Variants in COL28A1 observed in about 807,000 individuals in gnomAD.
COL28A1 encodes the protein collagen alpha-1(XXVIII) chain.
A neutral mutation model predicts 150.2 loss-of-function variants in COL28A1; 161 were observed. The observed-to-expected ratio is 1.07, with a 90% CI of 0.94 to 1.22. The LOEUF (loss-of-function observed/expected upper bound fraction) is 1.22, where lower values mean the gene tolerates loss of function less well. Among genes scored for constraint, COL28A1 ranks in the 50% most tolerant of loss-of-function variants. The probability of loss-of-function intolerance (pLI) is 0.00; values close to 1 mark genes in which losing one functional copy is unlikely to be tolerated. For synonymous variants in COL28A1, 552 were observed against 469.7 expected (o/e 1.18, Z -2.26); for missense variants, 1,617 against 1,388.3 (o/e 1.16, Z -2.62).
intron 13 of COL28A1, among the ~76,000 whole-genome samples, chr7:7,487,020 T>A (rs540432606): frequency 6.6e-6 from 1 of 152,170 alleles, no homozygotes; most frequent in African/African-American, 2.4e-5. Context: ...CTTTACTGTA[T>A]CCATAATGTT....
intron 8 of COL28A1, among the ~76,000 whole-genome samples, chr7:7,514,537 T>A (rs550104326): frequency 2.0e-5 from 3 of 152,348 alleles, no homozygotes; most frequent in Admixed American, 6.5e-5. Flanking sequence ...TTGGCTTACA[T>A]GTAGGCTCAC....
the COL28A1 span, among the ~76,000 whole-genome samples, chr7:7,347,506 T>G: frequency 6.9e-4 from 105 of 152,212 alleles, 1 homozygote; most frequent in African/African-American, 2.5e-3. Context: ...TACCTCCTTT[T>G]TGCACCAGCA....
In COL28A1 at chr7:7,531,718, A is replaced by G. The variant is rs1347254631; in HGVS notation, c.311T>C (p.Ile104Thr). Residue 104 changes from isoleucine to threonine, a missense_variant, in exon 3 of 35, where the codon ATT becomes ACT. Transcript: ENST00000399429. ...AALQFSSSVQ[I>T]DPPFSSWKDL... Reference sequence around the variant, plus strand: ...CTTCCAGGAAGAAAAAGGTGGATCAATTTGGACAGAGCTGCTAAACTGAAG... The same window carrying G: ...CTTCCAGGAAGAAAAAGGTGGATCAGTTTGGACAGAGCTGCTAAACTGAAG... 1 of 1,605,276 alleles carries G rather than the reference A, an allele frequency of 6.2e-7. No individual in the cohort carries two copies. Among genetic ancestry groups the G allele is most frequent in the South Asian group, 1.1e-5 (1 of 90,864 alleles).
chr7:7,536,586 T>C (rs1310166528), upstream of COL28A1, among the ~76,000 whole-genome samples: 3 of 152,196 alleles, frequency 2.0e-5, no homozygotes, highest in Non-Finnish European at 2.9e-5. Context: ...ATTAAGTCAA[T>C]GTTTATCATG....
rs769757129 is a variant in COL28A1, at chr7:7,453,507, C to T, written c.1373G>A (p.Gly458Glu). ...AGGTGGACCAATAGGACCTTGGATT[C>T]CCTTTAAAATAAAATTTTATAAAAT... Reference protein sequence around the residue: ...IPGIGSQGEQGIQGPIGPPGP... With the variant: ...IPGIGSQGEQEIQGPIGPPGP... Residue 458 changes from glycine (G) to glutamate (E), a missense_variant and splice_region_variant, in exon 17 of 35, where the codon GGA becomes GAA. By Grantham distance (98) the Gly-to-Glu change is moderately conservative. Transcript: ENST00000399429. 1 of 1,068,870 alleles carries T rather than the reference C, an allele frequency of 9.4e-7. No homozygotes were observed. The highest frequency in any genetic ancestry group is 1.4e-6 in the Non-Finnish European group (1 of 692,308). The allele number at this position is 1,068,870 out of a possible 1,614,324, so 66.2% of individuals were successfully genotyped here. A position where few individuals can be genotyped will look rare whatever the true frequency, so the allele number is the denominator to read the frequency against.
At chr7:7,413,512 C>G (rs540015319) in intron 27 of COL28A1, among the ~76,000 whole-genome samples, 27 of 152,250 alleles carry the variant, frequency 1.8e-4, no homozygotes, top group Non-Finnish European at 3.5e-4. Context: ...TAGTTCTCAC[C>G]AATAAAACCT....
Position 7,463,271 on chromosome 7 carries a change from C to G in COL28A1, c.1303-7159G>C, listed in dbSNP as rs140859735. Among the ~76,000 whole-genome samples the G allele has an allele frequency of 3.9e-5, 6 of 152,260 alleles. No individual in the cohort carries two copies. In the East Asian group the frequency reaches 1.2e-3, roughly 29 times the overall value. On this transcript the variant is annotated intron_variant, in intron 15 of 34. Transcript: ENST00000399429. ...GTTAAGAAGAAGGAAAGAATCTTAACAGCTGTGAGGCAAAAACACCTCACT... is the reference window on the plus strand; with the variant it reads ...GTTAAGAAGAAGGAAAGAATCTTAAGAGCTGTGAGGCAAAAACACCTCACT...
At chr7:7,430,485 T>G (rs1450280475) in intron 25 of COL28A1, among the ~76,000 whole-genome samples, 1 of 152,172 alleles carries the variant, frequency 6.6e-6, no homozygotes, top group African/African-American at 2.4e-5. Context: ...TATTGCTCAA[T>G]GTAAAGCAGT....
intron 27 of COL28A1, among the ~76,000 whole-genome samples, chr7:7,401,421 C>T (rs1341557744): frequency 1.3e-5 from 2 of 152,116 alleles, no homozygotes; most frequent in Admixed American, 1.3e-4. Context: ...AATACCTACT[C>T]GGCAGGTCCA....
chr7:7,513,483 T>C (rs1328191065), intron 8 of COL28A1, among the ~76,000 whole-genome samples: 3 of 152,380 alleles, frequency 2.0e-5, no homozygotes, highest in Admixed American at 1.3e-4. Context: ...GAGCCAGCTA[T>C]GCCTCTGATC....
chr7:7,437,581 T>G, intron 21 of COL28A1, 119 bp from the exon 22 acceptor site: 3 of 1,360,530 alleles, frequency 2.2e-6, no homozygotes, highest in Non-Finnish European at 2.8e-6. Context: ...CTCTATCTGT[T>G]TCAAAGACCA....
In COL28A1 at chr7:7,490,568, G is replaced by C; in HGVS notation, c.1095+10C>G. On this transcript the variant is annotated intron_variant, in intron 12 of 34. Transcript: ENST00000399429. ...CAGTCATCAGTGGGCAAAAAGACAA[G>C]TATCTTTACCTTAATACCTTGCTGT... The C allele has an allele frequency of 8.7e-7, 1 of 1,150,580 alleles. No homozygotes were observed. The highest frequency in any genetic ancestry group is 1.3e-6 in the Non-Finnish European group (1 of 759,364). The allele number at this position is 1,150,580 out of a possible 1,614,324, so 71.3% of individuals were successfully genotyped here. A position where few individuals can be genotyped will look rare whatever the true frequency, so the allele number is the denominator to read the frequency against.
At chr7:7,359,602 C>CA (rs1461308484) in intron 34 of COL28A1, among the ~76,000 whole-genome samples, 3 of 152,138 alleles carry the variant, frequency 2.0e-5, no homozygotes, top group Admixed American at 6.5e-5. Flanking sequence ...AAAAAACACA[C>CA]AAAAAATCCC....
intron 33 of COL28A1, among the ~76,000 whole-genome samples, chr7:7,364,088 G>A (rs1052645021): frequency 2.6e-5 from 4 of 152,014 alleles, no homozygotes; most frequent in Non-Finnish European, 4.4e-5. Flanking sequence ...GTCTCCATCC[G>A]CAAAACCTTC....
intron 21 of COL28A1, 35 bp from the exon 22 acceptor site, chr7:7,437,497 C>T: frequency 6.2e-7 from 1 of 1,601,996 alleles, no homozygotes; most frequent in African/African-American, 1.3e-5. Context: ...ACATTTCAAG[C>T]AGAGAAAGCA....
intron 25 of COL28A1, among the ~76,000 whole-genome samples, chr7:7,429,876 G>A (rs1465519846): frequency 6.6e-6 from 1 of 152,092 alleles, no homozygotes; most frequent in Non-Finnish European, 1.5e-5. Flanking sequence ...AGCCTTCCGC[G>A]TGGGCTCACT....
chr7:7,513,430 C>T (rs935132984), intron 8 of COL28A1, among the ~76,000 whole-genome samples: 2 of 152,196 alleles, frequency 1.3e-5, no homozygotes, highest in African/African-American at 4.8e-5. Flanking sequence ...TGCCTGGGCT[C>T]TTGCAGGCAT....
At chr7:7,350,816 A>T in the COL28A1 span, among the ~76,000 whole-genome samples, 11 of 152,050 alleles carry the variant, frequency 7.2e-5, no homozygotes, top group African/African-American at 2.7e-4. Flanking sequence ...ATACTTTGGC[A>T]TAATACCAAC....
rs557942403 is a variant in COL28A1 at position 7,465,394 on chromosome 7, G to C, written c.1302+9207C>G. ...TCCCACCCGAATATTGCGCTTTTCA[G>C]ACCGGCTTAAGAAACGGCGCACCAC... On this transcript the variant is annotated intron_variant, in intron 15 of 34. Coordinates refer to ENST00000399429, the MANE Select transcript of COL28A1 (RefSeq NM_001037763.3). Among the ~76,000 whole-genome samples the C allele has an allele frequency of 6.0e-3, 855 of 141,458 alleles. 9 individuals are homozygous for C. The highest frequency in any genetic ancestry group is 0.011 in the Middle Eastern group (3 of 280). 92.8% of individuals were successfully genotyped at this position (141,458 alleles called of 152,430 possible).
Sources: gnomAD v4.1 joint callset for allele counts (sites outside exome capture counted in the v4.1 genomes callset) on GRCh38, gnomAD v4.1.1 for gene constraint, MANE v1.5 for transcripts, NCBI Gene and HGNC (gene_info 2026-07-23, HGNC 2026-07-21) for gene names.